The following GUCY1A2 variants were observed in gnomAD, a reference collection of about 807,000 sequenced individuals.
GUCY1A2 encodes the protein guanylate cyclase soluble subunit alpha-2.
In GUCY1A2, 27 loss-of-function variants were observed where a neutral mutation model predicts 63.5. The ratio of observed to expected loss-of-function variants is 0.43; its 90% CI spans 0.31 to 0.59. The LOEUF (loss-of-function observed/expected upper bound fraction) is 0.59, where lower values mean the gene tolerates loss of function less well. Ranked by LOEUF, GUCY1A2 falls within the 20% of genes least tolerant of loss-of-function variation. The pLI, the probability that GUCY1A2 is intolerant of heterozygous loss-of-function variation, is 0.11. For synonymous variants in GUCY1A2, 364 were observed against 343.5 expected, an observed-to-expected ratio of 1.06 and a Z score of -0.66; for missense variants, 768 against 913.3, an observed-to-expected ratio of 0.84 and a Z score of 2.05.
rs141053061 is a variant in GUCY1A2, at chr11:106,951,232, T to C, written c.488-11054A>G. 6.3e-3 allele frequency among the ~76,000 whole-genome samples: 955 copies of C among 152,338 alleles called. 10 individuals are homozygous for C. The highest frequency in any genetic ancestry group is 0.022 in the African/African-American group (912 of 41,578). On this transcript the variant is annotated intron_variant, in intron 3 of 7. Coordinates refer to ENST00000526355, the MANE Select transcript of GUCY1A2 (RefSeq NM_000855.3). Reference sequence around the variant, plus strand: ...TGCATGTGTCTTTATAGTAGAATCATTTATACTCCTTTGGGTATATACCCA... The same window carrying C: ...TGCATGTGTCTTTATAGTAGAATCACTTATACTCCTTTGGGTATATACCCA...
At chr11:107,002,846 C>A (rs1029394136) in intron 1 of GUCY1A2, among the ~76,000 whole-genome samples, 2 of 152,090 alleles carry the variant, frequency 1.3e-5, no homozygotes, top group South Asian at 2.1e-4. Flanking sequence ...ATGACAAAAT[C>A]TAGACAAGAA....
chr11:106,795,329 G>A lies in GUCY1A2; in HGVS notation c.1692+14664C>T, dbSNP rs114273063. On this transcript the variant is annotated intron_variant, in intron 5 of 7. Transcript: ENST00000526355. ...TTAAGCAGAGGGCTGAAATATGCCCGACTGGATATGAGGCGATGACACTAA... is the reference window on the plus strand; with the variant it reads ...TTAAGCAGAGGGCTGAAATATGCCCAACTGGATATGAGGCGATGACACTAA... 6.0e-3 allele frequency among the ~76,000 whole-genome samples: 906 copies of A among 152,236 alleles called. 5 individuals are homozygous for A. Among genetic ancestry groups the A allele is most frequent in the Middle Eastern group, 0.027 (8 of 294 alleles).
At chr11:106,940,331 C>G (rs1368085886) in intron 3 of GUCY1A2, among the ~76,000 whole-genome samples, 153 bp from the exon 4 acceptor site, 2 of 152,158 alleles carry the variant, frequency 1.3e-5, no homozygotes, top group East Asian at 3.9e-4. Flanking sequence ...TTAATTCACT[C>G]ATCTTGAATC....
intron 4 of GUCY1A2, among the ~76,000 whole-genome samples, chr11:106,828,733 GC>G (rs1859010869): frequency 6.6e-6 from 1 of 152,162 alleles, no homozygotes. Context: ...GACCTACACA[GC>G]CCACCATAGA....
Position 106,838,949 on chromosome 11 carries a change from T to A in GUCY1A2, c.1207-28471A>T, listed in dbSNP as rs572286983. On this transcript the variant is annotated intron_variant, in intron 4 of 7. Transcript: ENST00000526355. ...GTTGCCTGTTCACTCTGATGGTAGT[T>A]TCTTTTGCTGTGCAGAAGCTCTTTA... Among the ~76,000 whole-genome samples, 7 of 152,192 alleles carry A rather than the reference T, an allele frequency of 4.6e-5. No individual in the cohort carries two copies. In the East Asian group the frequency reaches 1.4e-3, roughly 30 times the overall value.
intron 5 of GUCY1A2, among the ~76,000 whole-genome samples, chr11:106,802,448 A>G (rs1397956398): frequency 2.6e-5 from 4 of 152,198 alleles, no homozygotes; most frequent in African/African-American, 4.8e-5. Flanking sequence ...TATTCTTATT[A>G]GATACAGGAA....
intron 4 of GUCY1A2, among the ~76,000 whole-genome samples, chr11:106,870,986 C>A (rs1591309074): frequency 1.3e-5 from 2 of 152,214 alleles, no homozygotes; most frequent in Admixed American, 1.3e-4. Flanking sequence ...TTTTCATTGG[C>A]TTATTATGAT....
At position 106,776,601 on chromosome 11, in the gene GUCY1A2, T is replaced by A; in HGVS notation, c.1693-19A>T. 1 of 1,609,478 alleles carries A rather than the reference T, an allele frequency of 6.2e-7. No homozygotes were observed. The highest frequency in any genetic ancestry group is 8.5e-7 in the Non-Finnish European group (1 of 1,177,040). On this transcript the variant is annotated intron_variant, in intron 5 of 7. Transcript: ENST00000526355. Reference sequence around the variant, plus strand: ...TTTCCACCTGCAGCAATCAGACAAATCAAATGCAAACGTATGATAATGAGC... The same window carrying A: ...TTTCCACCTGCAGCAATCAGACAAAACAAATGCAAACGTATGATAATGAGC...
At chr11:106,960,335 C>T (rs904151916) in intron 3 of GUCY1A2, among the ~76,000 whole-genome samples, 2 of 151,986 alleles carry the variant, frequency 1.3e-5, no homozygotes, top group Admixed American at 6.6e-5. Context: ...GCCATAAGTC[C>T]AAGTGTAAGA....
intron 6 of GUCY1A2, among the ~76,000 whole-genome samples, chr11:106,775,485 T>C (rs1257576327): frequency 2.0e-5 from 3 of 150,704 alleles, no homozygotes; most frequent in Non-Finnish European, 4.4e-5. Context: ...ACGTTTTTTT[T>C]TTTCAATCTA....
intron 6 of GUCY1A2, among the ~76,000 whole-genome samples, chr11:106,723,351 C>T (rs551406683): frequency 3.9e-5 from 6 of 152,314 alleles, no homozygotes; most frequent in Admixed American, 2.0e-4. Flanking sequence ...ACTGTATTCA[C>T]GATTCTTCTC....
At chr11:106,876,794 T>C (rs1488095222) in intron 4 of GUCY1A2, among the ~76,000 whole-genome samples, 1 of 152,122 alleles carries the variant, frequency 6.6e-6, no homozygotes, top group Non-Finnish European at 1.5e-5. Context: ...CATGCTTATT[T>C]CAACTTCCGT....
chr11:106,839,946 C>T (rs2135442742), intron 4 of GUCY1A2, among the ~76,000 whole-genome samples: 1 of 151,888 alleles, frequency 6.6e-6, no homozygotes, highest in African/African-American at 2.4e-5. Flanking sequence ...CAACATGGCA[C>T]ATGTATACAT....
chr11:106,804,479 A>G (rs984226921), intron 5 of GUCY1A2, among the ~76,000 whole-genome samples: 3 of 152,206 alleles, frequency 2.0e-5, no homozygotes, highest in Non-Finnish European at 4.4e-5. Flanking sequence ...TAAGTACCTA[A>G]GTACTTTGAA....
At chr11:106,732,997 T>C (rs1273969846) in intron 6 of GUCY1A2, among the ~76,000 whole-genome samples, 1 of 152,188 alleles carries the variant, frequency 6.6e-6, no homozygotes, top group African/African-American at 2.4e-5. Context: ...AAAATTCAGA[T>C]TTGGAATAAT....
chr11:106,952,634 G>T (rs1591340935), intron 3 of GUCY1A2, among the ~76,000 whole-genome samples: 1 of 150,092 alleles, frequency 6.7e-6, no homozygotes, highest in Non-Finnish European at 1.5e-5. Context: ...CAAGAAGTTT[G>T]TGGGCTGAGA....
intron 5 of GUCY1A2, among the ~76,000 whole-genome samples, chr11:106,792,019 C>T (rs1180760824): frequency 6.6e-6 from 1 of 152,110 alleles, no homozygotes; most frequent in Non-Finnish European, 1.5e-5. Context: ...TTAGGGCCAG[C>T]ATCCTTGATG....
At chr11:106,813,386 G>C (rs1858789982) in intron 4 of GUCY1A2, among the ~76,000 whole-genome samples, 1 of 151,682 alleles carries the variant, frequency 6.6e-6, no homozygotes, top group Non-Finnish European at 1.5e-5. Flanking sequence ...ATGCTGGGTT[G>C]GGGGGTACAT....
chr11:106,808,592 T>C (rs1247967984), intron 5 of GUCY1A2, among the ~76,000 whole-genome samples: 1 of 152,110 alleles, frequency 6.6e-6, no homozygotes, highest in Non-Finnish European at 1.5e-5. Flanking sequence ...TATTTATCTA[T>C]TATCATTCTC....
Sources: gnomAD v4.1 joint callset for allele counts (sites outside exome capture counted in the v4.1 genomes callset) on GRCh38, gnomAD v4.1.1 for gene constraint, MANE v1.5 for transcripts, NCBI Gene and HGNC (gene_info 2026-07-23, HGNC 2026-07-21) for gene names.